The following CFAP251 variants were observed in gnomAD, a reference collection of about 807,000 sequenced individuals.
CFAP251 encodes the protein cilia- and flagella-associated protein 251.
Under a neutral mutation model 126.7 loss-of-function variants are expected in CFAP251, and 93 were observed. The observed-to-expected ratio is 0.73, with a 90% CI of 0.62 to 0.87. The LOEUF (loss-of-function observed/expected upper bound fraction) is 0.87. Ranked by LOEUF, CFAP251 falls within the 40% of genes least tolerant of loss-of-function variation. The pLI, the probability that CFAP251 is intolerant of heterozygous loss-of-function variation, is 0.00. For missense variants in CFAP251, 1,287 were observed against 1,389.2 expected (o/e 0.93, Z 1.17); for synonymous variants, 503 against 506.9 (o/e 0.99, Z 0.10).
chr12:121,939,769 C>T lies in CFAP251; in HGVS notation c.999-2765C>T, dbSNP rs531093504. On this transcript the variant is annotated intron_variant, in intron 5 of 21. Transcript: ENST00000288912. ...ATTTTATTAGTGATAAATTAAAAAC[C>T]GTAGTTCTTCCTCCAGTTTTTCGCT... Among the ~76,000 whole-genome samples the T allele has an allele frequency of 9.6e-4, 146 of 152,098 alleles. 1 individual carries two copies. The highest frequency in any genetic ancestry group is 1.1e-3 in the Non-Finnish European group (77 of 67,972).
At chr12:121,990,114 A>G (rs1196232956) in intron 19 of CFAP251, among the ~76,000 whole-genome samples, 2 of 152,214 alleles carry the variant, frequency 1.3e-5, no homozygotes. Context: ...ACAAGCTGAT[A>G]AATAAATATT....
rs767649004 is a variant in CFAP251 at position 121,942,917 on chromosome 12, C to A, written c.1133C>A (p.Thr378Asn). The A allele has an allele frequency of 1.7e-5, 28 of 1,614,186 alleles. No homozygotes were observed. In the South Asian group the frequency reaches 2.9e-4, roughly 16 times the overall value. Residue 378 changes from threonine to asparagine, a missense_variant, in exon 7 of 22, where the codon ACT (threonine) becomes AAT (asparagine). Thr to Asn is a moderately conservative substitution (Grantham distance 65). Coordinates refer to ENST00000288912, the MANE Select transcript of CFAP251 (RefSeq NM_144668.6). Reference protein sequence around the residue: ...EVQKVCIWKWTLAVETPACTL... With the variant: ...EVQKVCIWKWNLAVETPACTL... Reference sequence around the variant, plus strand: ...CAGAAGGTATGCATCTGGAAGTGGACTTTGGCAGTGGAAACGCCAGCATGC... The same window carrying A: ...CAGAAGGTATGCATCTGGAAGTGGAATTTGGCAGTGGAAACGCCAGCATGC...
intron 19 of CFAP251, among the ~76,000 whole-genome samples, chr12:121,982,472 G>A (rs113257394): frequency 0.052 from 7,952 of 151,634 alleles, 242 homozygotes; most frequent in Middle Eastern, 0.071. Context: ...TCCACCTCTC[G>A]GGTTCAAGCA....
chr12:121,924,129 T>A (rs1880307226), intron 3 of CFAP251, 139 bp downstream of exon 3: 8 of 1,150,178 alleles, frequency 7.0e-6, no homozygotes, highest in South Asian at 3.4e-5. Flanking sequence ...TTTTTTTTTT[T>A]AAGACAGTCT....
At chr12:121,961,003 C>T (rs1384843987) in intron 14 of CFAP251, among the ~76,000 whole-genome samples, 3 of 152,134 alleles carry the variant, frequency 2.0e-5, no homozygotes, top group Non-Finnish European at 4.4e-5. Flanking sequence ...AGGCAAGGAG[C>T]GGGGAGTTCC....
intron 1 of CFAP251, among the ~76,000 whole-genome samples, chr12:121,920,315 C>T (rs1466047800): frequency 6.7e-6 from 1 of 148,964 alleles, no homozygotes; most frequent in African/African-American, 2.5e-5. Flanking sequence ...GCAACCTCCG[C>T]CTCCCAGATT....
intron 19 of CFAP251, among the ~76,000 whole-genome samples, chr12:121,980,709 C>T (rs918295302): frequency 1.3e-5 from 2 of 152,174 alleles, no homozygotes; most frequent in African/African-American, 2.4e-5. Context: ...TTCCCACGGC[C>T]GCTGCACTTC....
intron 5 of CFAP251, among the ~76,000 whole-genome samples, chr12:121,939,191 G>T (rs1881008601): frequency 6.6e-6 from 1 of 152,090 alleles, no homozygotes; most frequent in African/African-American, 2.4e-5. Flanking sequence ...AGACAAATCT[G>T]ATTGTGTTGC....
chr12:121,927,176 T>C (rs1880452496), intron 3 of CFAP251, among the ~76,000 whole-genome samples: 1 of 141,136 alleles, frequency 7.1e-6, no homozygotes, highest in South Asian at 2.3e-4. Context: ...ATTTAGTTTT[T>C]GTGTTGTTTA....
intron 19 of CFAP251, among the ~76,000 whole-genome samples, chr12:121,981,905 T>C (rs967919868): frequency 2.2e-5 from 2 of 90,206 alleles, no homozygotes; most frequent in East Asian, 5.2e-4. Context: ...ATAAACATAA[T>C]AGTAGTACCT....
intron 3 of CFAP251, among the ~76,000 whole-genome samples, chr12:121,928,640 A>ATATATATATATATACG (rs1880523310): frequency 1.2e-4 from 2 of 16,096 alleles, no homozygotes; most frequent in African/African-American, 8.2e-4. Flanking sequence ...ATATATACGT[A>ATATATATATATATACG]TATATATATA....
At chr12:121,987,103 CACAG>C (rs1882767899) in intron 19 of CFAP251, among the ~76,000 whole-genome samples, 1 of 152,186 alleles carries the variant, frequency 6.6e-6, no homozygotes, top group Non-Finnish European at 1.5e-5. Context: ...AGCCAAGAAG[CACAG>C]GGACAATTTC....
chr12:122,003,304 T>G (rs917180044), intron 21 of CFAP251, among the ~76,000 whole-genome samples: 1 of 152,178 alleles, frequency 6.6e-6, no homozygotes, highest in Non-Finnish European at 1.5e-5. Flanking sequence ...TGAGGCCAGA[T>G]GCGGTAGCTG....
At chr12:121,928,683 T>TACGTATAC (rs1880546906) in intron 3 of CFAP251, among the ~76,000 whole-genome samples, 1 of 39,828 alleles carries the variant, frequency 2.5e-5, no homozygotes, top group African/African-American at 5.9e-5. Context: ...TATATATATA[T>TACGTATAC]ATATACGTAT....
intron 19 of CFAP251, among the ~76,000 whole-genome samples, chr12:121,982,934 C>T (rs117019771): frequency 1.8e-3 from 279 of 151,890 alleles, no homozygotes; most frequent in Non-Finnish European, 2.6e-3. Flanking sequence ...AGACCCCGAT[C>T]TCTAAAAAAT....
chr12:121,955,192 G>A (rs1273666288), intron 10 of CFAP251, among the ~76,000 whole-genome samples: 1 of 152,168 alleles, frequency 6.6e-6, no homozygotes, highest in Non-Finnish European at 1.5e-5. Flanking sequence ...ATCTTGGGAA[G>A]CTGAGGCATG....
At chr12:121,991,928 G>A (rs1040580551) in intron 19 of CFAP251, among the ~76,000 whole-genome samples, 1 of 152,140 alleles carries the variant, frequency 6.6e-6, no homozygotes, top group African/African-American at 2.4e-5. Context: ...AGGAGGTGGA[G>A]GTTGCTGTGA....
At chr12:121,949,251 T>C in intron 8 of CFAP251, 190 bp downstream of exon 8, 1 of 323,502 alleles carries the variant, frequency 3.1e-6, no homozygotes, top group Non-Finnish European at 5.6e-6. Flanking sequence ...CAAAAGCAAA[T>C]AATCCAATTT....
intron 19 of CFAP251, chr12:121,992,315 T>C: frequency 1.0e-6 from 1 of 985,374 alleles, no homozygotes; most frequent in Non-Finnish European, 1.2e-6. Flanking sequence ...AGGAAGGAAA[T>C]GTCAGTGATG....
Sources: gnomAD v4.1 joint callset for allele counts (sites outside exome capture counted in the v4.1 genomes callset) on GRCh38, gnomAD v4.1.1 for gene constraint, MANE v1.5 for transcripts, NCBI Gene and HGNC (gene_info 2026-07-23, HGNC 2026-07-21) for gene names.